RBKS: variants seen among roughly 807,000 people sequenced by gnomAD.
RBKS encodes the protein ribokinase.
Under a neutral mutation model 33.9 loss-of-function variants are expected in RBKS, and 33 were observed. The observed-to-expected ratio is 0.97, with a 90% CI of 0.74 to 1.30. The LOEUF is 1.30. Among genes scored for constraint, RBKS ranks in the 50% most tolerant of loss-of-function variants. The pLI is 0.00. For synonymous variants in RBKS, 125 were observed against 143.0 expected, an observed-to-expected ratio of 0.87 and a Z score of 0.90; for missense variants, 361 against 392.6, an observed-to-expected ratio of 0.92 and a Z score of 0.68.
intron 5 of RBKS, 37 bp from the exon 6 acceptor site, chr2:27,832,814 T>C: frequency 7.4e-7 from 1 of 1,351,336 alleles, no homozygotes; most frequent in East Asian, 2.3e-5. Flanking sequence ...TTATTAGTTT[T>C]CATTTTTAAC....
chr2:27,787,187 C>T (rs1377384431), intron 7 of RBKS, among the ~76,000 whole-genome samples: 1 of 152,152 alleles, frequency 6.6e-6, no homozygotes, highest in Non-Finnish European at 1.5e-5. Context: ...TGAGGTTGGC[C>T]AGGCACGGCG....
chr2:27,837,309 A>G lies in RBKS; in HGVS notation c.515-4532T>C, dbSNP rs1678546115. Among the ~76,000 whole-genome samples, 1 of 150,814 alleles carries G rather than the reference A, an allele frequency of 6.6e-6. No homozygotes were observed. The highest frequency in any genetic ancestry group is 2.5e-5 in the African/African-American group (1 of 40,188). On this transcript the variant is annotated intron_variant, in intron 5 of 7. Coordinates refer to ENST00000302188, the MANE Select transcript of RBKS (RefSeq NM_022128.3). The surrounding 1 kb of genome is among the most constrained non-coding windows in gnomAD (Gnocchi z 4.0). ...ACAAAACAAAACGAAACAAAAAACA[A>G]AAAGTCAAAACACAACAGATGCTGG...
intron 1 of RBKS, among the ~76,000 whole-genome samples, chr2:27,873,278 C>T (rs1189627131): frequency 3.3e-5 from 5 of 152,256 alleles, no homozygotes; most frequent in South Asian, 2.1e-4. Flanking sequence ...CTGCTGGAAT[C>T]GGGGTCCCCA....
At chr2:27,781,843 A>ATATG in intron 7 of RBKS, 55 bp from the exon 8 acceptor site, 1 of 1,431,540 alleles carries the variant, frequency 7.0e-7, no homozygotes. Context: ...TGTTGCCCAA[A>ATATG]CTGCATATTT....
intron 1 of RBKS, among the ~76,000 whole-genome samples, chr2:27,859,804 A>G (rs1232749396): frequency 6.6e-6 from 1 of 152,240 alleles, no homozygotes; most frequent in Admixed American, 6.5e-5. Context: ...TTAGAAATTT[A>G]TATTAATTTT....
chr2:27,868,848 C>T (rs1353769857), intron 1 of RBKS, among the ~76,000 whole-genome samples: 1 of 152,200 alleles, frequency 6.6e-6, no homozygotes, highest in African/African-American at 2.4e-5. Flanking sequence ...AGACAATCAT[C>T]TCCTTTGGGA....
chr2:27,815,606 C>G (rs1259535168), intron 7 of RBKS, among the ~76,000 whole-genome samples: 1 of 152,152 alleles, frequency 6.6e-6, no homozygotes, highest in Non-Finnish European at 1.5e-5. Flanking sequence ...AGTTTTGCTC[C>G]TGAGAACACC....
chr2:27,861,674 T>TGGGG, intron 1 of RBKS: 1 of 356,238 alleles, frequency 2.8e-6, no homozygotes, highest in Non-Finnish European at 5.5e-6. Context: ...GGGGGGGGGG[T>TGGGG]GGAGTCTCAC....
intron 7 of RBKS, among the ~76,000 whole-genome samples, chr2:27,818,308 A>C (rs972667717): frequency 1.7e-4 from 26 of 152,312 alleles, no homozygotes; most frequent in Admixed American, 1.6e-3. Flanking sequence ...GGCCTTTTCA[A>C]GATCTGGCCG....
chr2:27,798,452 C>T (rs1011443579), intron 7 of RBKS, among the ~76,000 whole-genome samples: 10 of 152,080 alleles, frequency 6.6e-5, no homozygotes, highest in Non-Finnish European at 1.5e-4. Context: ...TCCTGGGCAT[C>T]TCCTTCCCAT....
In RBKS at chr2:27,876,769, T is replaced by C. The variant is rs191187989; in HGVS notation, c.89+13488A>G. 1.6e-3 allele frequency among the ~76,000 whole-genome samples: 238 copies of C among 152,268 alleles called. 2 individuals carry two copies. The highest frequency in any genetic ancestry group is 5.9e-4 in the Non-Finnish European group (40 of 68,002). Reference sequence around the variant, plus strand: ...TGATGTTTGTAAAAAAATGTGGATGTACTTAATGCCAATGAATTGTAAATT... The same window carrying C: ...TGATGTTTGTAAAAAAATGTGGATGCACTTAATGCCAATGAATTGTAAATT... On this transcript the variant is annotated intron_variant, in intron 1 of 7. Transcript: ENST00000302188.
At chr2:27,841,833 TA>T (rs905549115) in intron 5 of RBKS, among the ~76,000 whole-genome samples, 1 of 152,100 alleles carries the variant, frequency 6.6e-6, no homozygotes, top group Non-Finnish European at 1.5e-5. Flanking sequence ...TTTTATTCTT[TA>T]AAAAAATCAC....
chr2:27,856,518 T>C (rs1420842895), intron 2 of RBKS, among the ~76,000 whole-genome samples: 1 of 152,228 alleles, frequency 6.6e-6, no homozygotes, highest in African/African-American at 2.4e-5. Flanking sequence ...TGTCATTTCT[T>C]TCTTTGCCTC....
intron 7 of RBKS, among the ~76,000 whole-genome samples, chr2:27,823,288 T>C (rs1678247191): frequency 6.6e-6 from 1 of 152,166 alleles, no homozygotes; most frequent in South Asian, 2.1e-4. Context: ...GATGTAAAAA[T>C]AGAAGTGATA....
rs1008188558 is a variant in RBKS at position 27,849,359 on chromosome 2, T to C, written c.223-1262A>G. 3.8e-4 allele frequency among the ~76,000 whole-genome samples: 57 copies of C among 151,696 alleles called. 3 individuals carry two copies. Among genetic ancestry groups the C allele is most frequent in the Non-Finnish European group, 1.5e-5 (1 of 67,898 alleles). On this transcript the variant is annotated intron_variant, in intron 2 of 7. Transcript: ENST00000302188. ...GGATGGATCACCTGAGGTCAGGAGT[T>C]CGAGGCCAGCCTGGTCAACATGGTA...
chr2:27,846,781 T>C (rs1372794958), intron 4 of RBKS, among the ~76,000 whole-genome samples: 1 of 152,222 alleles, frequency 6.6e-6, no homozygotes, highest in African/African-American at 2.4e-5. Context: ...TTACAGCATA[T>C]ACATATTATT....
intron 7 of RBKS, among the ~76,000 whole-genome samples, chr2:27,813,025 C>G (rs1003350393): frequency 7.1e-6 from 1 of 140,074 alleles, no homozygotes; most frequent in Non-Finnish European, 1.5e-5. Flanking sequence ...AATAAACAGA[C>G]AAAAAGAAGC....
At chr2:27,886,238 CATTG>C (rs1310342614) in intron 1 of RBKS, among the ~76,000 whole-genome samples, 1 of 152,090 alleles carries the variant, frequency 6.6e-6, no homozygotes, top group African/African-American at 2.4e-5. Flanking sequence ...AAAGGTTATT[CATTG>C]ATTGAATTAG....
chr2:27,799,540 G>A (rs1341454521), intron 7 of RBKS, among the ~76,000 whole-genome samples: 1 of 152,220 alleles, frequency 6.6e-6, no homozygotes, highest in Non-Finnish European at 1.5e-5. Flanking sequence ...AGCCATGCTT[G>A]TGGTTTTAGA....
Sources: gnomAD v4.1 joint callset for allele counts (sites outside exome capture counted in the v4.1 genomes callset) on GRCh38, gnomAD v4.1.1 for gene constraint, Gnocchi (gnomAD v3.1) non-coding constraint, MANE v1.5 for transcripts, NCBI Gene and HGNC (gene_info 2026-07-23, HGNC 2026-07-21) for gene names.